AP3D1: variants seen among roughly 807,000 people sequenced by gnomAD.
AP3D1 encodes adaptor related protein complex 3 subunit delta 1.
Under a neutral mutation model 147.6 loss-of-function variants are expected in AP3D1, and 51 were observed. That is an observed-to-expected ratio of 0.35 (90% CI 0.28 to 0.44). The LOEUF is 0.44. Among genes scored for constraint, AP3D1 ranks in the 20% least tolerant of loss-of-function variants. The probability of loss-of-function intolerance (pLI) is 1.00; values close to 1 mark genes in which losing one functional copy is unlikely to be tolerated. For synonymous variants in AP3D1, 760 were observed against 663.0 expected, an observed-to-expected ratio of 1.15 and a Z score of -2.25; for missense variants, 1,421 against 1,624.2, an observed-to-expected ratio of 0.87 and a Z score of 2.15.
intron 18 of AP3D1, 42 bp from the exon 19 acceptor site, chr19:2,115,655 T>C: frequency 6.3e-7 from 1 of 1,585,106 alleles, no homozygotes; most frequent in Non-Finnish European, 8.6e-7. Context: ...CACCGAGGGG[T>C]GACACACGTG....
At chr19:2,129,994 GA>G (rs1244029577) in intron 6 of AP3D1, among the ~76,000 whole-genome samples, 1 of 152,208 alleles carries the variant, frequency 6.6e-6, no homozygotes. Flanking sequence ...GAAACTCAGT[GA>G]AACTGAATCT....
At chr19:2,117,487 A>T in intron 15 of AP3D1, 120 bp from the exon 16 acceptor site, 3 of 1,121,656 alleles carry the variant, frequency 2.7e-6, no homozygotes, top group Non-Finnish European at 3.6e-6. Context: ...GTACAGCCAC[A>T]TAGCCACAGA....
In AP3D1 at chr19:2,108,919, G is replaced by T. The variant is rs1173785710; in HGVS notation, c.3473-153C>A. ...GGCCCTGAGAGGCCTGGGGTGTGGG[G>T]AATGCAGCCCCCGCACCAGCTCCCA... On this transcript the variant is annotated intron_variant, in intron 30 of 31. Coordinates refer to ENST00000643116, the MANE Select transcript of AP3D1 (RefSeq NM_001261826.3). 6.9e-6 allele frequency: 9 copies of T among 1,311,994 alleles called. No individual in the cohort carries two copies. The East Asian group carries it at 2.0e-4, about 29-fold the overall frequency. The allele number at this position is 1,311,994 out of a possible 1,614,324, so 81.3% of individuals were successfully genotyped here.
chr19:2,130,325 C>A (rs538092311), intron 6 of AP3D1, 83 bp downstream of exon 6: 2 of 1,586,606 alleles, frequency 1.3e-6, no homozygotes, highest in African/African-American at 2.7e-5. Flanking sequence ...CCGCAGCACC[C>A]CCCAAAACAC....
Position 2,123,522 on chromosome 19 carries a change from CCAAT to C in AP3D1, c.907-120_907-117del. Reference sequence around the variant, plus strand: ...TAAGGCCCGGCGTCAGCCCCACCCACCAATCAAAGCCCAGGAGGGAAACAAGCAT... The same window carrying C: ...TAAGGCCCGGCGTCAGCCCCACCCACCAAAGCCCAGGAGGGAAACAAGCAT... On this transcript the variant is annotated intron_variant, in intron 10 of 31. Coordinates refer to ENST00000643116, the MANE Select transcript of AP3D1 (RefSeq NM_001261826.3). 9 of 1,036,058 alleles carry C rather than the reference CCAAT, an allele frequency of 8.7e-6. 1 individual carries two copies. The South Asian group carries it at 1.1e-4, about 12-fold the overall frequency. 64.2% of individuals were successfully genotyped at this position (1,036,058 alleles called of 1,614,324 possible). A position where few individuals can be genotyped will look rare whatever the true frequency, so the allele number is the denominator to read the frequency against.
intron 11 of AP3D1, among the ~76,000 whole-genome samples, chr19:2,122,549 C>T (rs960203043): frequency 1.3e-5 from 2 of 152,174 alleles, no homozygotes; most frequent in Non-Finnish European, 2.9e-5. Context: ...CTGAGACCCG[C>T]GTGTGGGTGT....
In AP3D1 at chr19:2,151,317, C is replaced by T. The variant is rs764316872; in HGVS notation, c.18G>A (p.Val6=). Residue 6 remains valine (V), a synonymous_variant, in exon 1 of 32, where the codon GTG becomes GTA. Transcript: ENST00000643116. MALKM[V]KGSIDRMFDK... is the part of the protein sequence containing the mutation. ...CGAACATGCGGTCGATGCTGCCCTT[C>T]ACCATCTTGAGGGCCATCGCGGCGG... The T allele has an allele frequency of 6.2e-7, 1 of 1,606,288 alleles. No individual in the cohort carries two copies. Among genetic ancestry groups the T allele is most frequent in the Admixed American group, 1.7e-5 (1 of 59,608 alleles).
chr19:2,118,140 A>C (rs1415970918), intron 15 of AP3D1, among the ~76,000 whole-genome samples: 1 of 152,178 alleles, frequency 6.6e-6, no homozygotes, highest in East Asian at 1.9e-4. Context: ...AGCCTGGGCA[A>C]AGGAGTGAAA....
chr19:2,112,959 G>A lies in AP3D1; in HGVS notation c.2688C>T (p.Leu896=). ...TCGGGGTAGTGACAGTGTTCACACT[G>A]AGCTCCCCCTGCAGGGAGCCAGGGC... ...APAPVPSTGE[L]SVNTVTTPKD... is the part of the protein sequence containing the mutation. The change falls in exon 24 of 32, where the codon CTC becomes CTT. Residue 896 remains leucine (L), a synonymous_variant. Coordinates refer to ENST00000643116, the MANE Select transcript of AP3D1 (RefSeq NM_001261826.3). 1.2e-6 allele frequency: 2 copies of A among 1,611,024 alleles called. No individual in the cohort carries two copies. The highest frequency in any genetic ancestry group is 1.7e-6 in the Non-Finnish European group (2 of 1,179,004).
At chr19:2,116,905 T>G in intron 16 of AP3D1, 159 bp from the exon 17 acceptor site, 2 of 1,045,760 alleles carry the variant, frequency 1.9e-6, no homozygotes, top group East Asian at 2.7e-5. Flanking sequence ...TCACTGCCCC[T>G]TAAGAGGACG....
intron 4 of AP3D1, among the ~76,000 whole-genome samples, chr19:2,136,181 T>C (rs1387829510): frequency 6.6e-6 from 1 of 152,214 alleles, no homozygotes; most frequent in Non-Finnish European, 1.5e-5. Flanking sequence ...CTCTATAACC[T>C]TGCCCACAAC....
chr19:2,148,990 G>C (rs1020215381), intron 1 of AP3D1, among the ~76,000 whole-genome samples: 2 of 152,136 alleles, frequency 1.3e-5, no homozygotes, highest in African/African-American at 4.8e-5. Context: ...TTCAAAGTGA[G>C]TGGGGGTGCT....
intron 25 of AP3D1, 168 bp downstream of exon 25, chr19:2,111,511 G>T (rs1393907725): frequency 2.5e-6 from 3 of 1,195,546 alleles, no homozygotes; most frequent in South Asian, 1.5e-5. Context: ...CACCACGGGG[G>T]TGCCTAATGT....
upstream of AP3D1, among the ~76,000 whole-genome samples, chr19:2,154,620 CAG>C (rs1420179133): frequency 2.6e-5 from 4 of 152,304 alleles, no homozygotes; most frequent in East Asian, 5.8e-4. Flanking sequence ...CCTAGGGAAA[CAG>C]AATTTCTCTC....
At chr19:2,102,989 T>C (rs909518505) in intron 31 of AP3D1, among the ~76,000 whole-genome samples, 1 of 151,830 alleles carries the variant, frequency 6.6e-6, no homozygotes, top group South Asian at 2.1e-4. Context: ...CCAGGCCGGA[T>C]GGCTCATGCC....
intron 1 of AP3D1, among the ~76,000 whole-genome samples, chr19:2,160,976 A>G (rs1004620225): frequency 1.3e-5 from 2 of 152,076 alleles, no homozygotes; most frequent in African/African-American, 4.8e-5. Flanking sequence ...CGCCTGGGTA[A>G]GGGATTCCAA....
chr19:2,164,381 C>A, exon 1 of AP3D1: 8 of 597,366 alleles, frequency 1.3e-5, no homozygotes, highest in Non-Finnish European at 1.9e-5. Context: ...AACGGAGACC[C>A]TGGACTCCAC....
intron 3 of AP3D1, among the ~76,000 whole-genome samples, chr19:2,137,460 C>T (rs1053814332): frequency 2.6e-5 from 4 of 152,032 alleles, no homozygotes; most frequent in Non-Finnish European, 4.4e-5. Flanking sequence ...ATTATAGCCG[C>T]GTGCGCCACC....
chr19:2,106,239 A>G (rs531434788), intron 31 of AP3D1, among the ~76,000 whole-genome samples: 1 of 152,118 alleles, frequency 6.6e-6, no homozygotes, highest in East Asian at 1.9e-4. Flanking sequence ...TTACCACAGG[A>G]CCCAGCAATC....
Sources: gnomAD v4.1 joint callset for allele counts (sites outside exome capture counted in the v4.1 genomes callset) on GRCh38, gnomAD v4.1.1 for gene constraint, MANE v1.5 for transcripts, NCBI Gene and HGNC (gene_info 2026-07-23, HGNC 2026-07-21) for gene names.